Variants in CACNA1D observed in about 807,000 individuals in gnomAD.
CACNA1D encodes the protein calcium voltage-gated channel subunit alpha1 D.
In CACNA1D, 55 loss-of-function variants were observed where a neutral mutation model predicts 257.1. The ratio of observed to expected loss-of-function variants is 0.21; its 90% CI spans 0.17 to 0.27. The LOEUF (loss-of-function observed/expected upper bound fraction) is 0.27, where lower values mean the gene tolerates loss of function less well. Ranked by LOEUF, CACNA1D falls within the 10% of genes least tolerant of loss-of-function variation. The pLI, the probability that CACNA1D is intolerant of heterozygous loss-of-function variation, is 1.00. For missense variants in CACNA1D, 1,876 were observed against 2,784.0 expected (o/e 0.67, Z 7.34); for synonymous variants, 980 against 1,014.9 (o/e 0.97, Z 0.65).
At chr3:53,711,300 C>A (rs1366545686) in intron 9 of CACNA1D, among the ~76,000 whole-genome samples, 2 of 152,166 alleles carry the variant, frequency 1.3e-5, no homozygotes, top group Admixed American at 1.3e-4. Flanking sequence ...GATTTGGGGG[C>A]ACTTGCCTTT....
chr3:53,698,575 T>G (rs2094593002), intron 8 of CACNA1D, among the ~76,000 whole-genome samples: 1 of 152,226 alleles, frequency 6.6e-6, no homozygotes, highest in African/African-American at 2.4e-5. Flanking sequence ...TCCCTTCATC[T>G]CATCCTTACT....
intron 3 of CACNA1D, among the ~76,000 whole-genome samples, chr3:53,615,083 T>C (rs1458160235): frequency 1.3e-5 from 2 of 152,234 alleles, no homozygotes; most frequent in African/African-American, 4.8e-5. Flanking sequence ...GCTGCAGCCT[T>C]CATTTTTTAA....
At chr3:53,787,452 T>TGTGTGTGA (rs780595738) in intron 40 of CACNA1D, among the ~76,000 whole-genome samples, 1 of 150,512 alleles carries the variant, frequency 6.6e-6, no homozygotes, top group Non-Finnish European at 1.5e-5. Context: ...TGTGTGTGTG[T>TGTGTGTGA]GTATGTATGT....
intron 3 of CACNA1D, among the ~76,000 whole-genome samples, chr3:53,613,425 T>C (rs1443484314): frequency 6.6e-6 from 1 of 152,190 alleles, no homozygotes; most frequent in Non-Finnish European, 1.5e-5. Context: ...GCGTAGTATC[T>C]GAATAAGAAA....
chr3:53,735,090 T>C (rs1384796720), intron 19 of CACNA1D, among the ~76,000 whole-genome samples: 1 of 152,204 alleles, frequency 6.6e-6, no homozygotes, highest in African/African-American at 2.4e-5. Flanking sequence ...AGTTTCCCCA[T>C]CTTGAGGAAG....
intron 11 of CACNA1D, among the ~76,000 whole-genome samples, chr3:53,721,798 G>C (rs1327160839): frequency 2.6e-5 from 4 of 151,662 alleles, no homozygotes; most frequent in African/African-American, 9.7e-5. Flanking sequence ...GGATTGAAAA[G>C]GTTCCCTTTA....
In CACNA1D at chr3:53,780,148, A is replaced by C; in HGVS notation, c.4690+20A>C. On this transcript the variant is annotated intron_variant, in intron 38 of 47. Transcript: ENST00000350061. ...CCGAAGGTGAGCATTCCCTGCCAGC[A>C]AGACAAGATGGCAGGAAAGGAGAGA... is the stretch of plus-strand genomic sequence containing the variant. 1 of 1,546,188 alleles carries C rather than the reference A, an allele frequency of 6.5e-7. No individual in the cohort carries two copies. The highest frequency in any genetic ancestry group is 1.1e-5 in the South Asian group (1 of 89,776).
chr3:53,619,083 G>A (rs1156959114), intron 3 of CACNA1D, among the ~76,000 whole-genome samples: 1 of 152,148 alleles, frequency 6.6e-6, no homozygotes. Flanking sequence ...AAACAACGCT[G>A]TAAAGTATTA....
At chr3:53,772,709 T>G in intron 32 of CACNA1D, 124 bp from the exon 33 acceptor site, 1 of 756,638 alleles carries the variant, frequency 1.3e-6, no homozygotes, top group Non-Finnish European at 2.4e-6. Context: ...ACTGTCGATA[T>G]TCTTTCACGG....
Position 53,740,297 on chromosome 3 carries a change from C to T in CACNA1D, c.2769C>T (p.Asp923=). The change falls in exon 21 of 48, where the codon GAC becomes GAT. Residue 923 remains aspartate, a synonymous_variant. Coordinates refer to ENST00000350061, the MANE Select transcript of CACNA1D (RefSeq NM_001128840.3). ...CCTTGCAGATACTGGGTTACTTTGA[C>T]TATGCCTTCACAGCCATCTTTACTG... ...SFRNTILGYF[D]YAFTAIFTVE... 6.2e-7 allele frequency: 1 copy of T among 1,612,482 alleles called. No individual in the cohort carries two copies. Among genetic ancestry groups the T allele is most frequent in the Non-Finnish European group, 8.5e-7 (1 of 1,178,474 alleles).
intron 3 of CACNA1D, among the ~76,000 whole-genome samples, chr3:53,577,393 TGTG>T (rs1342218709): frequency 6.6e-6 from 1 of 152,124 alleles, no homozygotes; most frequent in Non-Finnish European, 1.5e-5. Context: ...TCTCCTAGGA[TGTG>T]GTGGCGAAAT....
chr3:53,743,205 A>G, intron 22 of CACNA1D, 88 bp downstream of exon 22: 1 of 807,362 alleles, frequency 1.2e-6, no homozygotes, highest in Admixed American at 1.9e-5. Flanking sequence ...GCTGGGCATC[A>G]TTTTCATGAT....
At chr3:53,732,284 G>A (rs887646510) in intron 18 of CACNA1D, among the ~76,000 whole-genome samples, 2 of 152,230 alleles carry the variant, frequency 1.3e-5, no homozygotes, top group Non-Finnish European at 2.9e-5. Context: ...TGATGGGGAG[G>A]GAAAGTGCAG....
rs372627771 is a variant in CACNA1D at position 53,674,483 on chromosome 3, A to G, written c.1220+1357A>G. 1.4e-4 allele frequency among the ~76,000 whole-genome samples: 22 copies of G among 152,350 alleles called. No homozygotes were observed. In the East Asian group the frequency reaches 4.2e-3, roughly 29 times the overall value. ...CCCATGGCCTTACAGAGACCCCGTCATTCAGTCACGATTTTTGAAGTTTGC... is the reference window on the plus strand; with the variant it reads ...CCCATGGCCTTACAGAGACCCCGTCGTTCAGTCACGATTTTTGAAGTTTGC... On this transcript the variant is annotated intron_variant, in intron 8 of 47. Transcript: ENST00000350061.
intron 8 of CACNA1D, among the ~76,000 whole-genome samples, chr3:53,702,041 G>A (rs2094630903): frequency 6.6e-6 from 1 of 152,184 alleles, no homozygotes; most frequent in African/African-American, 2.4e-5. Flanking sequence ...GTTGTGGAGG[G>A]GGTGGGGACT....
intron 3 of CACNA1D, among the ~76,000 whole-genome samples, chr3:53,619,095 C>T (rs2093667993): frequency 6.6e-6 from 1 of 152,170 alleles, no homozygotes; most frequent in African/African-American, 2.4e-5. Flanking sequence ...AAAGTATTAG[C>T]ATAACAGTAG....
chr3:53,748,370 GA>G (rs1321797738), intron 26 of CACNA1D, among the ~76,000 whole-genome samples: 6 of 152,180 alleles, frequency 3.9e-5, no homozygotes, highest in Non-Finnish European at 8.8e-5. Flanking sequence ...GTAAGAGTCA[GA>G]TATTTTCAGG....
Position 53,495,291 on chromosome 3 carries a change from GC to G in CACNA1D, c.67+63del. 2 of 1,604,522 alleles carry G rather than the reference GC, an allele frequency of 1.2e-6. No individual in the cohort carries two copies. The highest frequency in any genetic ancestry group is 1.3e-5 in the African/African-American group (1 of 74,872). On this transcript the variant is annotated intron_variant, in intron 1 of 47. Coordinates refer to ENST00000350061, the MANE Select transcript of CACNA1D (RefSeq NM_001128840.3). The surrounding 1 kb of genome is among the most constrained non-coding windows in gnomAD (Gnocchi z 5.1). ...AATCCGATCCTGTCATGGTCCTCCAGCCCCCTCCCCCTTCCCCGCGGCGCTG... is the reference window on the plus strand; with the variant it reads ...AATCCGATCCTGTCATGGTCCTCCAGCCCCTCCCCCTTCCCCGCGGCGCTG...
chr3:53,521,389 T>C (rs1224385266), intron 3 of CACNA1D, among the ~76,000 whole-genome samples: 2 of 152,162 alleles, frequency 1.3e-5, no homozygotes, highest in Non-Finnish European at 2.9e-5. Flanking sequence ...GTTTTTACTT[T>C]TGATGACGCG....
Sources: allele counts gnomAD v4.1 joint callset (sites outside exome capture counted in the v4.1 genomes callset), GRCh38; gene constraint gnomAD v4.1.1; non-coding constraint Gnocchi (gnomAD v3.1); transcripts MANE v1.5; gene names NCBI Gene and HGNC (gene_info 2026-07-23, HGNC 2026-07-21).